The following RCC1 variants were observed in gnomAD, a reference collection of about 807,000 sequenced individuals.
RCC1 encodes regulator of chromosome condensation 1.
A neutral mutation model predicts 44.4 loss-of-function variants in RCC1; 11 were observed. The observed-to-expected ratio is 0.25, with a 90% confidence interval of 0.16 to 0.41. RCC1 has a LOEUF of 0.41. Ranked by LOEUF, RCC1 falls within the 10% of genes least tolerant of loss-of-function variation. The probability of loss-of-function intolerance (pLI) is 1.00; values close to 1 mark genes in which losing one functional copy is unlikely to be tolerated. For missense variants in RCC1, 386 were observed against 547.1 expected (o/e 0.71, Z 2.94); for synonymous variants, 213 against 216.5 (o/e 0.98, Z 0.14).
intron 5 of RCC1, 30 bp from the exon 6 acceptor site, chr1:28,531,773 C>T: frequency 6.7e-7 from 1 of 1,495,590 alleles, no homozygotes; most frequent in Non-Finnish European, 8.9e-7. Context: ...TCATCCTCTA[C>T]ACTCAGGGTC....
intron 12 of RCC1, 91 bp from the exon 13 acceptor site, chr1:28,537,741 A>G: frequency 7.4e-7 from 1 of 1,347,196 alleles, no homozygotes. Context: ...GGCCAAGGCC[A>G]CAGTCCACGC....
rs763437904 is a variant in RCC1 at position 28,536,830 on chromosome 1, A to G, written c.1021A>G (p.Ile341Val). The G allele has an allele frequency of 1.7e-5, 27 of 1,613,728 alleles. No individual in the cohort carries two copies. The highest frequency in any genetic ancestry group is 2.2e-5 in the Non-Finnish European group (26 of 1,179,940). The part of the protein sequence containing the change: ...GAEEKSIPTL[I>V]SRLPAVSSVA... ...TGAGGAGAAGAGCATACCCACCCTCATCTCCAGGCTGCCTGCTGTCTCCTC... is the reference window on the plus strand; with the variant it reads ...TGAGGAGAAGAGCATACCCACCCTCGTCTCCAGGCTGCCTGCTGTCTCCTC... The change falls in exon 12 of 13, where the codon ATC (isoleucine) becomes GTC (valine). Residue 341 changes from isoleucine (I) to valine (V), a missense_variant. By Grantham distance (29) the Ile-to-Val change is conservative (BLOSUM62 3). Transcript: ENST00000683442. The surrounding 1 kb of genome is among the most constrained non-coding windows in gnomAD (Gnocchi z 4.9).
At chr1:28,530,502 GACAGTGTCTGTCTTTTGCAGAC>G (rs1664062885) in intron 5 of RCC1, 1 of 1,594,060 alleles carries the variant, frequency 6.3e-7, no homozygotes, top group Non-Finnish European at 8.5e-7. Flanking sequence ...CCCACGCTCA[GACAGTGTCTGTCTTTTGCAGAC>G]ACGAGGGCCG....
At chr1:28,512,752 A>G (rs1164680909) in intron 3 of RCC1, among the ~76,000 whole-genome samples, 2 of 152,164 alleles carry the variant, frequency 1.3e-5, no homozygotes, top group Non-Finnish European at 2.9e-5. Flanking sequence ...TCTATGGGCT[A>G]CTTGAAAGTG....
chr1:28,526,624 G>C (rs750098814), intron 4 of RCC1: 1 of 501,812 alleles, frequency 2.0e-6, no homozygotes, highest in South Asian at 2.6e-5. Context: ...GGCTGGGCGC[G>C]GTGGCTCACA....
chr1:28,507,542 C>A, intron 1 of RCC1: 1 of 518,000 alleles, frequency 1.9e-6, no homozygotes. Context: ...TCGACAATTA[C>A]TGGGGAGACA....
At position 28,536,656 on chromosome 1, in the gene RCC1, T is replaced by A; in HGVS notation, c.938-91T>A. ...GATCGCTCTGGGAGCAGGGACACAC[T>A]CCCATGGACAGGTGGACTCACCTAG... On this transcript the variant is annotated intron_variant, in intron 11 of 12. Transcript: ENST00000683442. The surrounding 1 kb of genome is among the most constrained non-coding windows in gnomAD (Gnocchi z 4.9). 6.9e-7 allele frequency: 1 copy of A among 1,454,936 alleles called. No individual in the cohort carries two copies. 90.1% of individuals were successfully genotyped at this position (1,454,936 alleles called of 1,614,324 possible).
chr1:28,532,676 C>A (rs1293656969), intron 7 of RCC1: 5 of 497,424 alleles, frequency 1.0e-5, no homozygotes, highest in Non-Finnish European at 2.0e-5. Flanking sequence ...CTTGCCAGCA[C>A]TGCCTCTTCC....
In RCC1 at chr1:28,536,806, G is replaced by A. The variant is rs547058163; in HGVS notation, c.997G>A (p.Glu333Lys). The A allele has an allele frequency of 1.1e-5, 17 of 1,614,102 alleles. No homozygotes were observed. In the Admixed American group the frequency reaches 1.7e-4, roughly 16 times the overall value. ...GCGGCTGGGCCTTGGAGAGGGTGCT[G>A]AGGAGAAGAGCATACCCACCCTCAT... ...YGRLGLGEGA[E>K]EKSIPTLISR... is the part of the protein sequence containing the mutation. Residue 333 changes from glutamate (E) to lysine (K), a missense_variant, in exon 12 of 13, where the codon GAG (glutamate) becomes AAG (lysine). Glu to Lys is a moderately conservative substitution (Grantham distance 56). Transcript: ENST00000683442. This position sits in a 1 kb window ranked among gnomAD's most constrained non-coding sequence, Gnocchi z 4.9.
At chr1:28,526,983 T>TTG (rs1378821374) in intron 4 of RCC1, 1 of 862,474 alleles carries the variant, frequency 1.2e-6, no homozygotes, top group Non-Finnish European at 2.0e-6. Flanking sequence ...CTTAGGTCTT[T>TTG]GAACTCTCCA....
chr1:28,515,845 C>G (rs1436448207), intron 3 of RCC1, among the ~76,000 whole-genome samples: 1 of 151,588 alleles, frequency 6.6e-6, no homozygotes, highest in Non-Finnish European at 1.5e-5. Flanking sequence ...TCGGGAGTTC[C>G]AGACCAGCCT....
In RCC1 at chr1:28,535,042, C is replaced by A; in HGVS notation, c.442-8C>A. The A allele has an allele frequency of 6.2e-7, 1 of 1,612,084 alleles. No homozygotes were observed. The highest frequency in any genetic ancestry group is 8.5e-7 in the Non-Finnish European group (1 of 1,178,224). On this transcript the variant is annotated splice_region_variant and splice_polypyrimidine_tract_variant and intron_variant, in intron 7 of 12. Transcript: ENST00000683442. ...CTGGCTGATAAGTGCCCTGTCCCTC[C>A]CTTCTAGGACAATAACGGTGTGATT...
In RCC1 at chr1:28,514,302, T is replaced by G. The variant is rs577906013; in HGVS notation, c.-152-2423T>G. 3.9e-3 allele frequency among the ~76,000 whole-genome samples: 590 copies of G among 151,802 alleles called. 3 individuals carry two copies. Among genetic ancestry groups the G allele is most frequent in the African/African-American group, 0.013 (542 of 41,396 alleles). On this transcript the variant is annotated intron_variant, in intron 3 of 12. Coordinates refer to ENST00000683442, the MANE Select transcript of RCC1 (RefSeq NM_001381865.2). ...CATCTCTACTAAAAATACAAAAAAT[T>G]AGCCGGGCGTGGTGGCGGGTGCCTG... is the stretch of plus-strand genomic sequence containing the variant.
chr1:28,517,859 T>G (rs1026917560), intron 4 of RCC1, among the ~76,000 whole-genome samples: 2 of 152,192 alleles, frequency 1.3e-5, no homozygotes, highest in African/African-American at 4.8e-5. Context: ...CTGAGTCAGA[T>G]GCCCCTCTGG....
In RCC1 at chr1:28,538,198, A is replaced by C; in HGVS notation, c.*191A>C. The C allele has an allele frequency of 7.2e-5, 32 of 444,218 alleles. No individual in the cohort carries two copies. Among genetic ancestry groups the C allele is most frequent in the East Asian group, 2.7e-4 (6 of 22,500 alleles). The allele number at this position is 444,218 out of a possible 1,614,324, so 27.5% of individuals were successfully genotyped here. Reference sequence around the variant, plus strand: ...CCTCTTTGGAATTTTCCTGGGACCTACAGAATAAAGGGGGGGATGGACAGG... The same window carrying C: ...CCTCTTTGGAATTTTCCTGGGACCTCCAGAATAAAGGGGGGGATGGACAGG... On this transcript the variant is annotated 3_prime_UTR_variant, in exon 13 of 13. Coordinates refer to ENST00000683442, the MANE Select transcript of RCC1 (RefSeq NM_001381865.2).
chr1:28,535,632 T>TAA, intron 9 of RCC1: 1 of 762,306 alleles, frequency 1.3e-6, no homozygotes, highest in South Asian at 1.5e-5. Context: ...TTAAATGAGT[T>TAA]AATGAGAAGA....
chr1:28,510,873 T>A (rs2124605274), intron 3 of RCC1: 1 of 152,294 alleles, frequency 6.6e-6, no homozygotes, highest in African/African-American at 2.4e-5. Flanking sequence ...CTCACCTGAG[T>A]AAAGTGATTT....
chr1:28,527,079 T>C, intron 4 of RCC1: 1 of 937,198 alleles, frequency 1.1e-6, no homozygotes, highest in East Asian at 2.5e-5. Context: ...GAATTTTGCT[T>C]GACCGGAACC....
Position 28,532,303 on chromosome 1 carries a change from G to A in RCC1, c.394G>A (p.Ala132Thr). 1 of 1,614,162 alleles carries A rather than the reference G, an allele frequency of 6.2e-7. No homozygotes were observed. Among genetic ancestry groups the A allele is most frequent in the Non-Finnish European group, 8.5e-7 (1 of 1,180,036 alleles). The change falls in exon 7 of 13, where the codon GCA becomes ACA. Residue 132 changes from alanine to threonine, a missense_variant. Coordinates refer to ENST00000683442, the MANE Select transcript of RCC1 (RefSeq NM_001381865.2). The part of the protein sequence containing the change: ...VQVSAGDSHT[A>T]ALTDDGRVFL... ...GGTGTCAGCAGGAGACAGTCACACA[G>A]CAGCCCTCACCGATGATGGCCGTGT...
Sources: allele counts gnomAD v4.1 joint callset (sites outside exome capture counted in the v4.1 genomes callset), GRCh38; gene constraint gnomAD v4.1.1; non-coding constraint Gnocchi (gnomAD v3.1); transcripts MANE v1.5; gene names NCBI Gene and HGNC (gene_info 2026-07-23, HGNC 2026-07-21).